The following ZNF91 variants were observed in gnomAD, a reference collection of about 807,000 sequenced individuals.
The protein encoded by ZNF91 is zinc finger protein 91 (HPF7, HTF10).
Under a neutral mutation model 12.6 loss-of-function variants are expected in ZNF91, and 7 were observed. The observed-to-expected ratio is 0.55, with a 90% CI of 0.31 to 1.04. The LOEUF is 1.04. Ranked by LOEUF, ZNF91 falls within the 50% of genes least tolerant of loss-of-function variation. ZNF91 has a pLI of 0.05. For missense variants in ZNF91, 1,217 were observed against 1,385.4 expected, an observed-to-expected ratio of 0.88 and a Z score of 1.93; for synonymous variants, 453 against 462.6, an observed-to-expected ratio of 0.98 and a Z score of 0.27.
At chr19:23,385,164 G>A (rs1160978249) in intron 1 of ZNF91, 2 of 702,372 alleles carry the variant, frequency 2.8e-6, no homozygotes, top group African/African-American at 3.5e-5. Context: ...CGTCATGCAA[G>A]CTCATCAAGG....
At chr19:23,374,471 A>G (rs1969424169) in intron 2 of ZNF91, among the ~76,000 whole-genome samples, 167 bp downstream of exon 2, 1 of 148,776 alleles carries the variant, frequency 6.7e-6, no homozygotes, top group African/African-American at 2.5e-5. Context: ...GAGTCAGGAG[A>G]ATGGTGTGAA....
At chr19:23,324,542 C>CGTATGTATACATATAT (rs1967801486) in intron 1 of ZNF91, 1 of 150,798 alleles carries the variant, frequency 6.6e-6, no homozygotes, top group Non-Finnish European at 1.5e-5. Context: ...TACGTATATA[C>CGTATGTATACATATAT]ATATGTATGT....
At chr19:23,340,952 C>A (rs937795469) in intron 3 of ZNF91, among the ~76,000 whole-genome samples, 3 of 150,926 alleles carry the variant, frequency 2.0e-5, no homozygotes, top group African/African-American at 7.3e-5. Context: ...ATTCTATTGA[C>A]AATTGAGCAA....
chr19:23,388,745 C>T (rs1253765943), intron 1 of ZNF91, among the ~76,000 whole-genome samples: 2 of 151,986 alleles, frequency 1.3e-5, no homozygotes, highest in Non-Finnish European at 2.9e-5. Context: ...TGGTGGTGGG[C>T]ACCTGTAATC....
intron 3 of ZNF91, among the ~76,000 whole-genome samples, chr19:23,364,085 A>G (rs1442344690): frequency 6.6e-6 from 1 of 152,210 alleles, no homozygotes; most frequent in Non-Finnish European, 1.5e-5. Context: ...TTGGGAGGCC[A>G]AGGAGGACAG....
chr19:23,320,242 A>G (rs557156127), intron 1 of ZNF91, among the ~76,000 whole-genome samples: 3 of 152,304 alleles, frequency 2.0e-5, no homozygotes, highest in Admixed American at 2.0e-4. Context: ...TTCTATTTAG[A>G]CACAGCCAAT....
rs775846946 is a variant in ZNF91 at position 23,350,045 on chromosome 19, G to A, written c.254-10991C>T. Among the ~76,000 whole-genome samples the A allele has an allele frequency of 9.9e-5, 15 of 152,190 alleles. No homozygotes were observed. The South Asian group carries it at 1.4e-3, about 15-fold the overall frequency. The stretch of plus-strand genomic sequence containing the variant: ...TCTAGAGATAATCACTAACCAAACC[G>A]CCTCAGCCTTGGAAATGCTCACGCA... On this transcript the variant is annotated intron_variant, in intron 3 of 3. Coordinates refer to the ZNF91 transcript ENST00000599743.
At position 23,359,226 on chromosome 19, in the gene ZNF91, C is replaced by CT. The variant is rs71163490; in HGVS notation, c.*176dup. On this transcript the variant is annotated 3_prime_UTR_variant, in exon 4 of 4. Coordinates refer to ENST00000300619, the MANE Select transcript of ZNF91 (RefSeq NM_003430.4). ...AGGGTTTCTCTCTAGTATGAATTTT[C>CT]TTTTTTTTTTTTTTGAGACGGAGTC... 0.052 allele frequency: 17,989 copies of CT among 348,038 alleles called. 1 individual carries two copies. Among genetic ancestry groups the CT allele is most frequent in the South Asian group, 0.086 (2,761 of 32,224 alleles). 21.6% of individuals were successfully genotyped at this position (348,038 alleles called of 1,614,324 possible).
intron 1 of ZNF91, chr19:23,385,126 C>T: frequency 1.3e-6 from 1 of 752,404 alleles, no homozygotes; most frequent in Non-Finnish European, 2.3e-6. Flanking sequence ...CCCCGAATGG[C>T]CAGCCGAAGA....
intron 3 of ZNF91, chr19:23,342,401 CT>C (rs1444997841): frequency 3.2e-6 from 1 of 315,776 alleles, no homozygotes; most frequent in Non-Finnish European, 5.8e-6. Context: ...CTGACAGAAA[CT>C]TTTGAATATT....
At chr19:23,367,979 G>A (rs1019425640) in intron 3 of ZNF91, among the ~76,000 whole-genome samples, 2 of 151,894 alleles carry the variant, frequency 1.3e-5, no homozygotes, top group African/African-American at 2.4e-5. Context: ...GCGCAGTCTC[G>A]GCTCACTGCA....
At chr19:23,367,163 T>C (rs904114012) in intron 3 of ZNF91, among the ~76,000 whole-genome samples, 1 of 152,158 alleles carries the variant, frequency 6.6e-6, no homozygotes, top group Non-Finnish European at 1.5e-5. Flanking sequence ...ACATGGTACT[T>C]TGTTTGTAGT....
At chr19:23,373,088 C>G (rs1969348426) in intron 3 of ZNF91, among the ~76,000 whole-genome samples, 1 of 152,116 alleles carries the variant, frequency 6.6e-6, no homozygotes, top group African/African-American at 2.4e-5. Context: ...TCACTACAAA[C>G]CCAGATGACA....
chr19:23,322,835 ACCT>A lies in ZNF91; in HGVS notation n.117-13741_117-13739del, dbSNP rs745608567. Among the ~76,000 whole-genome samples the A allele has an allele frequency of 2.9e-3, 35 of 12,046 alleles. No homozygotes were observed. In the East Asian group the frequency reaches 0.075, roughly 26 times the overall value. The allele number at this position is 12,046 out of a possible 152,430, so 7.9% of individuals were successfully genotyped here. A position where few individuals can be genotyped will look rare whatever the true frequency, so the allele number is the denominator to read the frequency against. ...CCACCTCCTCCTCCACTTCTCCCCC[ACCT>A]CCTCCTCCACTTCTCCCCCACCTCC... On this transcript the variant is annotated intron_variant and non_coding_transcript_variant, in intron 1 of 1. Coordinates refer to the ZNF91 transcript ENST00000596528.
At chr19:23,307,221 T>C (rs1363469729) in intron 3 of ZNF91, 1 of 152,230 alleles carries the variant, frequency 6.6e-6, no homozygotes, top group African/African-American at 2.4e-5. Context: ...CTACCTCTAT[T>C]GTGATGTGAG....
At chr19:23,353,066 A>AG (rs1968406329), downstream of ZNF91, among the ~76,000 whole-genome samples, 1 of 152,336 alleles carries the variant, frequency 6.6e-6, no homozygotes, top group East Asian at 1.9e-4. Context: ...CAGAAAGACA[A>AG]CAAAGAAACA....
At chr19:23,390,560 G>A in intron 1 of ZNF91, among the ~76,000 whole-genome samples, 1 of 152,126 alleles carries the variant, frequency 6.6e-6, no homozygotes, top group East Asian at 1.9e-4. Context: ...GTTTCACCAT[G>A]TTGGCCAGGC....
intron 1 of ZNF91, among the ~76,000 whole-genome samples, chr19:23,391,129 A>G (rs551145651): frequency 2.6e-5 from 4 of 152,354 alleles, no homozygotes; most frequent in South Asian, 2.1e-4. Context: ...ACAGCAATGT[A>G]TAAGTATTCC....
intron 3 of ZNF91, among the ~76,000 whole-genome samples, chr19:23,347,803 A>C (rs1235874889): frequency 6.6e-6 from 1 of 152,030 alleles, no homozygotes. Flanking sequence ...TTTCCTACCC[A>C]CTAAGCCCAG....
Sources: allele counts gnomAD v4.1 joint callset (sites outside exome capture counted in the v4.1 genomes callset), GRCh38; gene constraint gnomAD v4.1.1; transcripts MANE v1.5; gene names NCBI Gene and HGNC (gene_info 2026-07-23, HGNC 2026-07-21).